Variants in SHTN1 observed in about 807,000 individuals in gnomAD.
SHTN1 encodes shootin 1.
In SHTN1, 42 loss-of-function variants were observed where a neutral mutation model predicts 83.1. The ratio of observed to expected loss-of-function variants is 0.51; its 90% confidence interval spans 0.39 to 0.65. The LOEUF (loss-of-function observed/expected upper bound fraction) is 0.65, where lower values mean the gene tolerates loss of function less well. Among genes scored for constraint, SHTN1 ranks in the 30% least tolerant of loss-of-function variants. The pLI, the probability that SHTN1 is intolerant of heterozygous loss-of-function variation, is 0.00. For synonymous variants in SHTN1, 224 were observed against 247.7 expected, an observed-to-expected ratio of 0.90 and a Z score of 0.90; for missense variants, 622 against 737.8, an observed-to-expected ratio of 0.84 and a Z score of 1.82.
At chr10:117,041,975 A>G (rs890965637) in intron 2 of SHTN1, among the ~76,000 whole-genome samples, 1 of 152,204 alleles carries the variant, frequency 6.6e-6, no homozygotes, top group Non-Finnish European at 1.5e-5. Context: ...TCACTTAGCT[A>G]CTTGTCAGAA....
intron 13 of SHTN1, among the ~76,000 whole-genome samples, chr10:116,913,021 G>A (rs376401046): frequency 1.3e-5 from 2 of 152,234 alleles, no homozygotes; most frequent in East Asian, 1.9e-4. Context: ...CAGTCCATAC[G>A]CACTAAGACA....
intron 1 of SHTN1, among the ~76,000 whole-genome samples, chr10:117,069,568 C>A (rs758127939): frequency 2.0e-5 from 3 of 152,130 alleles, no homozygotes; most frequent in Non-Finnish European, 2.9e-5. Context: ...AGGATTCAAA[C>A]CAGATAATAT....
In SHTN1 at chr10:116,953,618, G is replaced by GTT. The variant is rs1413652753; in HGVS notation, c.436+422_436+423dup. On this transcript the variant is annotated intron_variant, in intron 5 of 16. Coordinates refer to ENST00000355371, the MANE Select transcript of SHTN1 (RefSeq NM_001127211.3). ...GGTAGGACCCAGGCATCAGTTTTGTGTTTTGTTTTTTTTTTTTTTTTTTTT... is the reference window on the plus strand; with the variant it reads ...GGTAGGACCCAGGCATCAGTTTTGTGTTTTTTGTTTTTTTTTTTTTTTTTTTT... 5.3e-3 allele frequency among the ~76,000 whole-genome samples: 435 copies of GTT among 81,900 alleles called. 15 individuals are homozygous for GTT. Among genetic ancestry groups the GTT allele is most frequent in the African/African-American group, 0.012 (344 of 29,024 alleles). The allele number at this position is 81,900 out of a possible 152,430, so 53.7% of individuals were successfully genotyped here. A position where few individuals can be genotyped will look rare whatever the true frequency, so the allele number is the denominator to read the frequency against.
chr10:116,965,856 A>G (rs1299806280), intron 3 of SHTN1, among the ~76,000 whole-genome samples: 2 of 152,216 alleles, frequency 1.3e-5, no homozygotes, highest in Non-Finnish European at 2.9e-5. Flanking sequence ...AAATGGATTC[A>G]CACAAACTAA....
intron 2 of SHTN1, among the ~76,000 whole-genome samples, chr10:117,020,977 A>C (rs1344380477): frequency 6.6e-6 from 1 of 152,212 alleles, no homozygotes; most frequent in Non-Finnish European, 1.5e-5. Flanking sequence ...TTAAAAAAAA[A>C]CCCAATAAAA....
chr10:116,973,337 G>A (rs1392387830), intron 2 of SHTN1, among the ~76,000 whole-genome samples: 1 of 152,116 alleles, frequency 6.6e-6, no homozygotes, highest in Non-Finnish European at 1.5e-5. Flanking sequence ...CTATAGATAG[G>A]GCAGTTCAGG....
chr10:117,116,352 A>ATGTTGAAAT (rs1853847474), intron 1 of SHTN1, among the ~76,000 whole-genome samples: 1 of 152,158 alleles, frequency 6.6e-6, no homozygotes, highest in Admixed American at 6.5e-5. Context: ...GCAACCTACC[A>ATGTTGAAAT]AGACTGAACC....
chr10:117,124,666 A>C (rs1458142912), intron 1 of SHTN1, among the ~76,000 whole-genome samples: 15 of 152,138 alleles, frequency 9.9e-5, no homozygotes, highest in Admixed American at 9.8e-4. Context: ...CCAGCTACTC[A>C]GGAGGCTGAA....
intron 1 of SHTN1, among the ~76,000 whole-genome samples, chr10:117,049,766 A>C (rs555167323): frequency 6.6e-6 from 1 of 152,340 alleles, no homozygotes; most frequent in South Asian, 2.1e-4. Context: ...AAGGGCCATT[A>C]GACTAGGTAC....
At chr10:116,902,926 C>A (rs1215569606) in intron 15 of SHTN1, among the ~76,000 whole-genome samples, 1 of 152,096 alleles carries the variant, frequency 6.6e-6, no homozygotes, top group Non-Finnish European at 1.5e-5. Context: ...TAATCCCTGA[C>A]CATTGGTATT....
intron 1 of SHTN1, among the ~76,000 whole-genome samples, chr10:117,068,177 A>G (rs572761510): frequency 2.1e-4 from 32 of 152,266 alleles, no homozygotes; most frequent in Admixed American, 5.2e-4. Flanking sequence ...GGATCACTTG[A>G]GTTCCGAAAT....
rs1360325187 is a variant in SHTN1, at chr10:116,960,415, A to G, written c.173-185T>C. ...TCTGAGCTAATATTTGAATGTAGAA[A>G]GAAACAAGAACACAACAAAATACAT... On this transcript the variant is annotated intron_variant, in intron 3 of 16. Coordinates refer to ENST00000355371, the MANE Select transcript of SHTN1 (RefSeq NM_001127211.3). 1.4e-5 allele frequency: 7 copies of G among 486,908 alleles called. No homozygotes were observed. The East Asian group carries it at 1.8e-4, about 12-fold the overall frequency. The allele number at this position is 486,908 out of a possible 1,614,324, so 30.2% of individuals were successfully genotyped here. A position where few individuals can be genotyped will look rare whatever the true frequency, so the allele number is the denominator to read the frequency against.
In SHTN1 at chr10:117,112,583, T is replaced by C. The variant is rs147157823; in HGVS notation, c.-189+13724A>G. Among the ~76,000 whole-genome samples, 518 of 152,342 alleles carry C rather than the reference T, an allele frequency of 3.4e-3. 2 individuals carry two copies. The highest frequency in any genetic ancestry group is 0.012 in the African/African-American group (500 of 41,578). ...AGATATTATTATTCTGTTTTATAGCTGAGGAAACAAAGGCTCAGATAGACT... is the reference window on the plus strand; with the variant it reads ...AGATATTATTATTCTGTTTTATAGCCGAGGAAACAAAGGCTCAGATAGACT... On this transcript the variant is annotated intron_variant, in intron 1 of 17. Coordinates refer to the SHTN1 transcript ENST00000392901.
In SHTN1 at chr10:116,886,490, G is replaced by C. The variant is rs754109130; in HGVS notation, c.1750C>G (p.Pro584Ala). 1 of 1,614,080 alleles carries C rather than the reference G, an allele frequency of 6.2e-7. No individual in the cohort carries two copies. The highest frequency in any genetic ancestry group is 8.5e-7 in the Non-Finnish European group (1 of 1,180,026). ...KQAEPVVVLD[P>A]VSTHEPQTKD... ...GTTTGGGGTTCATGTGTAGAAACAG[G>C]ATCTAAAACTACAACTGGTTCGGCT... is the stretch of plus-strand genomic sequence containing the variant. The change falls in exon 17 of 17, where the codon CCT becomes GCT. Residue 584 changes from proline (P) to alanine (A), a missense_variant. Pro to Ala is a conservative substitution (Grantham distance 27). Coordinates refer to ENST00000355371, the MANE Select transcript of SHTN1 (RefSeq NM_001127211.3).
At chr10:117,019,615 G>A (rs892177993) in intron 2 of SHTN1, among the ~76,000 whole-genome samples, 1 of 152,088 alleles carries the variant, frequency 6.6e-6, no homozygotes, top group Non-Finnish European at 1.5e-5. Flanking sequence ...GCCAAGGTGG[G>A]AAAACTGCTT....
Position 117,026,843 on chromosome 10 carries a change from G to T in SHTN1, c.-123+21602C>A, listed in dbSNP as rs987406253. On this transcript the variant is annotated intron_variant, in intron 2 of 17. Coordinates refer to the SHTN1 transcript ENST00000392901. The stretch of plus-strand genomic sequence containing the variant: ...GAAGGAAAGGACAGAGGCCTGGCTG[G>T]CTTTGCCACCTGCTGATTGTAGAGA... 2.6e-5 allele frequency among the ~76,000 whole-genome samples: 4 copies of T among 152,326 alleles called. No individual in the cohort carries two copies. The East Asian group carries it at 5.8e-4, about 22-fold the overall frequency.
At chr10:116,969,480 T>A (rs2118207) in intron 2 of SHTN1, among the ~76,000 whole-genome samples, 1 of 151,976 alleles carries the variant, frequency 6.6e-6, no homozygotes, top group Non-Finnish European at 1.5e-5. Context: ...GGCAGCCACA[T>A]GGCACACACT....
chr10:116,989,069 T>TAA lies in SHTN1; in HGVS notation c.59-9763_59-9762dup, dbSNP rs953247071. ...CAAAAATCCATATAATTATGTCAGTTAAAAAAAAACAGTATTTTTAAAATG... is the reference window on the plus strand; with the variant it reads ...CAAAAATCCATATAATTATGTCAGTTAAAAAAAAAAACAGTATTTTTAAAATG... On this transcript the variant is annotated intron_variant, in intron 1 of 16. Coordinates refer to ENST00000355371, the MANE Select transcript of SHTN1 (RefSeq NM_001127211.3). Among the ~76,000 whole-genome samples the TAA allele has an allele frequency of 4.6e-5, 7 of 151,020 alleles. No individual in the cohort carries two copies. The East Asian group carries it at 1.4e-3, about 29-fold the overall frequency.
chr10:116,949,147 A>C lies in SHTN1; in HGVS notation c.535-150T>G, dbSNP rs533793471. The C allele has an allele frequency of 1.5e-4, 122 of 814,306 alleles. 2 individuals carry two copies. The South Asian group carries it at 3.1e-3, about 21-fold the overall frequency. 50.4% of individuals were successfully genotyped at this position (814,306 alleles called of 1,614,324 possible). A position where few individuals can be genotyped will look rare whatever the true frequency, so the allele number is the denominator to read the frequency against. ...TTTCAATGTGTTAGGACTTTTTATTAAAGCTCTTCTTTAAAGCTTCAAGGA... is the reference window on the plus strand; with the variant it reads ...TTTCAATGTGTTAGGACTTTTTATTCAAGCTCTTCTTTAAAGCTTCAAGGA... On this transcript the variant is annotated intron_variant, in intron 6 of 16. Coordinates refer to ENST00000355371, the MANE Select transcript of SHTN1 (RefSeq NM_001127211.3).
Sources: allele counts gnomAD v4.1 joint callset (sites outside exome capture counted in the v4.1 genomes callset), GRCh38; gene constraint gnomAD v4.1.1; transcripts MANE v1.5; gene names NCBI Gene and HGNC (gene_info 2026-07-23, HGNC 2026-07-21).